The following PRLR variants were observed in gnomAD, a reference collection of about 807,000 sequenced individuals.
PRLR encodes the protein hPRL receptor.
Under a neutral mutation model 40.2 loss-of-function variants are expected in PRLR, and 13 were observed. That is an observed-to-expected ratio of 0.32 (90% confidence interval 0.21 to 0.51). PRLR has a LOEUF of 0.51. Among genes scored for constraint, PRLR ranks in the 20% least tolerant of loss-of-function variants. The pLI is 0.97. For synonymous variants in PRLR, 269 were observed against 278.7 expected, an observed-to-expected ratio of 0.97 and a Z score of 0.35; for missense variants, 656 against 747.3, an observed-to-expected ratio of 0.88 and a Z score of 1.42.
At chr5:35,126,488 AT>A (rs1032811726) in intron 1 of PRLR, among the ~76,000 whole-genome samples, 4 of 152,200 alleles carry the variant, frequency 2.6e-5, no homozygotes, top group Admixed American at 6.5e-5. Context: ...ATTTTAAAAA[AT>A]TGGAGGATTT....
chr5:35,083,376 C>A (rs1300858216), intron 5 of PRLR, among the ~76,000 whole-genome samples: 1 of 151,892 alleles, frequency 6.6e-6, no homozygotes, highest in East Asian at 1.9e-4. Flanking sequence ...TTGGAGATGA[C>A]CTTCCTGCAA....
intron 1 of PRLR, among the ~76,000 whole-genome samples, chr5:35,165,399 GC>G (rs111428650): frequency 0.013 from 1,958 of 152,266 alleles, 48 homozygotes; most frequent in African/African-American, 0.045. Context: ...GTACCAATAG[GC>G]AAGGAGATAG....
chr5:35,068,962 C>A, intron 7 of PRLR, 84 bp from the exon 8 acceptor site: 2 of 991,224 alleles, frequency 2.0e-6, no homozygotes, highest in Non-Finnish European at 1.5e-6. Context: ...CTCTTAAACC[C>A]AAGAGTGTTT....
At chr5:35,182,013 ATTT>A (rs759239722) in intron 1 of PRLR, among the ~76,000 whole-genome samples, 35 of 148,366 alleles carry the variant, frequency 2.4e-4, no homozygotes, top group African/African-American at 8.4e-4. Context: ...TTTGTTGATG[ATTT>A]TTTTTTTTAC....
At chr5:35,086,178 G>C in intron 4 of PRLR, 30 bp downstream of exon 4, 6 of 1,612,356 alleles carry the variant, frequency 3.7e-6, no homozygotes, top group Non-Finnish European at 4.2e-6. Context: ...ACTCATGTGG[G>C]GTTTCATAGG....
rs776304680 is a variant in PRLR, at chr5:35,084,619, C to T, written c.224G>A (p.Cys75Tyr). The change falls in exon 5 of 10, where the codon TGT (cysteine) becomes TAT (tyrosine). Residue 75 changes from cysteine to tyrosine, a missense_variant. Physicochemically the swap from Cys to Tyr is radical, Grantham distance 194. Around this residue, in one of 3 missense-constraint regions of PRLR, gnomAD observed 180 missense variants for 236.8 expected, o/e 0.76. Coordinates refer to ENST00000618457, the MANE Select transcript of PRLR (RefSeq NM_000949.7). The part of the protein sequence containing the change: ...HREGETLMHE[C>Y]PDYITGGPNS... ...GGGGCCACCGGTTATGTAGTCTGGA[C>T]ATTCATGCATGAGTGTCTCTCTGCA... The T allele has an allele frequency of 1.2e-6, 2 of 1,610,598 alleles. No individual in the cohort carries two copies. Among genetic ancestry groups the T allele is most frequent in the South Asian group, 1.1e-5 (1 of 90,136 alleles).
At chr5:35,184,485 C>T (rs1465992395) in intron 1 of PRLR, among the ~76,000 whole-genome samples, 2 of 152,122 alleles carry the variant, frequency 1.3e-5, no homozygotes, top group African/African-American at 4.8e-5. Context: ...CCACTGCACT[C>T]CAGCCTAGGC....
rs745809333 is a variant in PRLR at position 35,084,483 on chromosome 5, G to A, written c.360C>T (p.Asp120=). ...CCTTCCCCTTACCTATGTAAGTCAC[G>A]TCCACATAAAGTTCATCCGAGAAAC... ...GSSFSDELYV[D]VTYIVQPDPP... is the part of the protein sequence containing the mutation. Residue 120 remains aspartate (D), a synonymous_variant, in exon 5 of 10, where the codon GAC becomes GAT. Transcript: ENST00000618457. The A allele has an allele frequency of 8.3e-6, 13 of 1,569,112 alleles. 1 individual carries two copies. The highest frequency in any genetic ancestry group is 5.6e-5 in the African/African-American group (4 of 71,956).
chr5:35,200,159 G>T (rs1340974934), intron 1 of PRLR, among the ~76,000 whole-genome samples: 1 of 152,106 alleles, frequency 6.6e-6, no homozygotes, highest in Non-Finnish European at 1.5e-5. Flanking sequence ...TGTAAACCAG[G>T]GATAAAAATA....
chr5:35,123,802 T>C (rs1399999645), intron 1 of PRLR, among the ~76,000 whole-genome samples: 4 of 152,206 alleles, frequency 2.6e-5, no homozygotes, highest in South Asian at 2.1e-4. Flanking sequence ...TACTCACTTA[T>C]AGTCTGTCAT....
At chr5:35,048,990 A>G (rs1579528718) in exon 9 of PRLR, 1 of 434,206 alleles carries the variant, frequency 2.3e-6, no homozygotes, top group East Asian at 5.8e-5. Context: ...AAACACCTGC[A>G]TAACAACCTT....
At chr5:35,101,593 C>T (rs1478309766) in intron 2 of PRLR, among the ~76,000 whole-genome samples, 1 of 152,072 alleles carries the variant, frequency 6.6e-6, no homozygotes, top group African/African-American at 2.4e-5. Flanking sequence ...TCAGCCCATT[C>T]TTCCTTTTCC....
rs1448946424 is a variant in PRLR, at chr5:35,060,916, A to C, written c.*4173T>G. The C allele has an allele frequency of 6.6e-6, 1 of 152,238 alleles. No homozygotes were observed. The highest frequency in any genetic ancestry group is 1.9e-4 in the East Asian group (1 of 5,204). The allele number at this position is 152,238 out of a possible 1,614,324, so 9.4% of individuals were successfully genotyped here. A position where few individuals can be genotyped will look rare whatever the true frequency, so the allele number is the denominator to read the frequency against. ...TTTGGTATGGAGAGTCTCAAATCAC[A>C]GGGTGGCAGGTTTATCCCCAAATCA... On this transcript the variant is annotated 3_prime_UTR_variant, in exon 10 of 10. Transcript: ENST00000618457.
intron 1 of PRLR, among the ~76,000 whole-genome samples, chr5:35,199,555 A>C (rs873456): frequency 0.57 from 85,853 of 151,368 alleles, 25,562 homozygotes; most frequent in Non-Finnish European, 0.67. Context: ...GTTTTTAAAA[A>C]CACGTCATTC....
rs897985374 is a variant in PRLR at position 35,065,989 on chromosome 5, C to T, written c.969G>A (p.Gln323=). The change falls in exon 10 of 10, where the codon CAG becomes CAA. Residue 323 remains glutamine, a synonymous_variant. Transcript: ENST00000618457. ...EYLEVDDSED[Q]HLMSVHSKEH... ...CTTTTGAATGGACTGACATTAGATG[C>T]TGGTCCTCACTATCATCTACTTCTA... 3.7e-6 allele frequency: 6 copies of T among 1,614,128 alleles called. No homozygotes were observed. The highest frequency in any genetic ancestry group is 5.1e-6 in the Non-Finnish European group (6 of 1,179,984).
chr5:35,054,689 T>C (rs181251456), downstream of PRLR, among the ~76,000 whole-genome samples: 5 of 152,302 alleles, frequency 3.3e-5, no homozygotes, highest in East Asian at 1.9e-4. Flanking sequence ...ATAGATTGTA[T>C]AGATGTATAA....
downstream of PRLR, among the ~76,000 whole-genome samples, chr5:35,051,668 G>A (rs1185231290): frequency 6.6e-6 from 1 of 152,062 alleles, no homozygotes; most frequent in East Asian, 1.9e-4. Flanking sequence ...TTACAGAATT[G>A]GCTGATTTAA....
At chr5:35,125,847 G>A (rs1314715826) in intron 1 of PRLR, among the ~76,000 whole-genome samples, 1 of 152,172 alleles carries the variant, frequency 6.6e-6, no homozygotes, top group Non-Finnish European at 1.5e-5. Context: ...AGCAGGCGAT[G>A]GGTTTTAGTT....
At chr5:35,081,166 T>C (rs1770489389) in intron 5 of PRLR, 1 of 153,452 alleles carries the variant, frequency 6.5e-6, no homozygotes, top group Non-Finnish European at 1.5e-5. Context: ...GTTGTGCACA[T>C]GTACCCTAGA....
Sources: gnomAD v4.1 joint callset for allele counts (sites outside exome capture counted in the v4.1 genomes callset) on GRCh38, gnomAD v4.1.1 for gene constraint, gnomAD v4.1.1 regional missense constraint, MANE v1.5 for transcripts, NCBI Gene and HGNC (gene_info 2026-07-23, HGNC 2026-07-21) for gene names.